RC3H1: variants seen among roughly 807,000 people sequenced by gnomAD.
The protein encoded by RC3H1 is ring finger and CCCH-type domains 1.
Under a neutral mutation model 138.2 loss-of-function variants are expected in RC3H1, and 50 were observed. That is an observed-to-expected ratio of 0.36 (90% CI 0.29 to 0.46). RC3H1 has a LOEUF of 0.46. Among genes scored for constraint, RC3H1 ranks in the 20% least tolerant of loss-of-function variants. The pLI is 1.00. For missense variants in RC3H1, 1,031 were observed against 1,388.1 expected, an observed-to-expected ratio of 0.74 and a Z score of 4.09; for synonymous variants, 462 against 489.1, an observed-to-expected ratio of 0.94 and a Z score of 0.73.
chr1:173,963,047 T>G (rs189341692), intron 11 of RC3H1, among the ~76,000 whole-genome samples: 1 of 152,342 alleles, frequency 6.6e-6, no homozygotes, highest in East Asian at 1.9e-4. Flanking sequence ...GATCCAACAC[T>G]TAAAATCATT....
chr1:173,951,328 C>CA (rs921609260), intron 14 of RC3H1, among the ~76,000 whole-genome samples: 2 of 151,556 alleles, frequency 1.3e-5, no homozygotes, highest in African/African-American at 4.9e-5. Flanking sequence ...TCCATCCCCC[C>CA]CCCAAAAAAA....
intron 1 of RC3H1, among the ~76,000 whole-genome samples, chr1:174,011,499 T>G (rs1008196836): frequency 6.6e-6 from 1 of 152,078 alleles, no homozygotes; most frequent in Non-Finnish European, 1.5e-5. Context: ...CCAGGTTTTT[T>G]TTTTTCAAGT....
At position 173,992,960 on chromosome 1, in the gene RC3H1, G is replaced by A. The variant is rs199537248; in HGVS notation, c.26C>T (p.Thr9Met). The A allele has an allele frequency of 3.1e-6, 5 of 1,613,880 alleles. No homozygotes were observed. Among genetic ancestry groups the A allele is most frequent in the East Asian group, 4.5e-5 (2 of 44,864 alleles). Reference protein sequence around the residue: MPVQAPQWTDFLSCPICTQ... With the variant: MPVQAPQWMDFLSCPICTQ... ...GCAAATTGGGCAGGAGAGGAAATCC[G>A]TCCATTGTGGAGCTTGTACAGGCAT... The change falls in exon 2 of 20, where the codon ACG (threonine) becomes ATG (methionine). Residue 9 changes from threonine (T) to methionine (M), a missense_variant. Physicochemically the swap from Thr to Met is moderately conservative, Grantham distance 81. This residue lies in a region of RC3H1 where 35 missense variants were observed against 69.4 expected (regional missense o/e 0.50). Transcript: ENST00000367696.
intron 18 of RC3H1, among the ~76,000 whole-genome samples, chr1:173,943,230 G>A (rs192698019): frequency 2.0e-5 from 3 of 152,212 alleles, no homozygotes; most frequent in East Asian, 1.9e-4. Flanking sequence ...AAAAGTTAAC[G>A]AAGAATTATA....
chr1:173,962,491 C>T (rs752917792), intron 11 of RC3H1, among the ~76,000 whole-genome samples: 1 of 152,212 alleles, frequency 6.6e-6, no homozygotes, highest in Non-Finnish European at 1.5e-5. Context: ...ACATGGAACA[C>T]AAAAGGCCAA....
rs1659186726 is a variant in RC3H1 at position 173,947,574 on chromosome 1, C to T, written c.2532G>A (p.Glu844=). The T allele has an allele frequency of 1.9e-6, 3 of 1,613,766 alleles. No individual in the cohort carries two copies. The highest frequency in any genetic ancestry group is 2.2e-5 in the East Asian group (1 of 44,872). ...AAGSVEMMNV[E]SKGMRDQRLD... ...ATCGCTGGTCCCTCATTCCTTTACT[C>T]TCCACATTCTGATAAAAAAGCAAAA... The change falls in exon 15 of 20, where the codon GAG becomes GAA. Residue 844 remains glutamate, a synonymous_variant. Transcript: ENST00000367696.
In RC3H1 at chr1:173,983,007, T is replaced by C. The variant is rs184446253; in HGVS notation, c.593-105A>G. 5.2e-3 allele frequency: 5,261 copies of C among 1,014,332 alleles called. 20 individuals carry two copies. The highest frequency in any genetic ancestry group is 7.6e-3 in the Admixed American group (295 of 38,992). The allele number at this position is 1,014,332 out of a possible 1,614,324, so 62.8% of individuals were successfully genotyped here. A position where few individuals can be genotyped will look rare whatever the true frequency, so the allele number is the denominator to read the frequency against. On this transcript the variant is annotated intron_variant, in intron 4 of 19. Transcript: ENST00000367696. The stretch of plus-strand genomic sequence containing the variant: ...TCATTTCTGCAGCTATTCAATTAAC[T>C]GGCAATACAGTTAAGATTAACCAGC...
In RC3H1 at chr1:173,936,095, T is replaced by C. The variant is rs1283490963; in HGVS notation, c.*2626A>G. 1 of 152,132 alleles carries C rather than the reference T, an allele frequency of 6.6e-6. No homozygotes were observed. Among genetic ancestry groups the C allele is most frequent in the Admixed American group, 6.6e-5 (1 of 15,260 alleles). 9.4% of individuals were successfully genotyped at this position (152,132 alleles called of 1,614,324 possible). On this transcript the variant is annotated 3_prime_UTR_variant, in exon 20 of 20. Coordinates refer to ENST00000367696, the MANE Select transcript of RC3H1 (RefSeq NM_172071.4). Reference sequence around the variant, plus strand: ...TCCTGCCTACTTCACAGAATCAAAATGGCAAAAGCCAAGAACAAGTGTATT... The same window carrying C: ...TCCTGCCTACTTCACAGAATCAAAACGGCAAAAGCCAAGAACAAGTGTATT...
chr1:173,938,485 T>A lies in RC3H1; in HGVS notation c.*236A>T. 3.1e-6 allele frequency: 1 copy of A among 321,994 alleles called. No homozygotes were observed. Among genetic ancestry groups the A allele is most frequent in the Non-Finnish European group, 5.6e-6 (1 of 178,868 alleles). 19.9% of individuals were successfully genotyped at this position (321,994 alleles called of 1,614,324 possible). On this transcript the variant is annotated 3_prime_UTR_variant, in exon 20 of 20. Coordinates refer to ENST00000367696, the MANE Select transcript of RC3H1 (RefSeq NM_172071.4). ...TCACAGAACAAAAACAAATTTAATC[T>A]GAATTGCTTGCAGATACTGCTAATT...
At chr1:173,962,511 C>T (rs1388186860) in intron 11 of RC3H1, among the ~76,000 whole-genome samples, 4 of 152,164 alleles carry the variant, frequency 2.6e-5, no homozygotes, top group South Asian at 2.1e-4. Context: ...ATTTTGCTGG[C>T]GCAGATTAGT....
chr1:173,972,744 C>T (rs866221914), intron 7 of RC3H1, 117 bp from the exon 8 acceptor site: 18 of 679,938 alleles, frequency 2.6e-5, no homozygotes, highest in Middle Eastern at 5.1e-4. Context: ...CACACCTTAG[C>T]TTTTTAGATA....
chr1:173,970,756 G>C, intron 8 of RC3H1, 139 bp from the exon 9 acceptor site: 2 of 543,082 alleles, frequency 3.7e-6, no homozygotes, highest in Non-Finnish European at 6.4e-6. Context: ...AAAAGTGCTG[G>C]AAAGTCATTC....
chr1:174,014,354 C>T (rs1478149840), intron 1 of RC3H1, among the ~76,000 whole-genome samples: 1 of 151,336 alleles, frequency 6.6e-6, no homozygotes, highest in African/African-American at 2.4e-5. Context: ...TCTGTAAATC[C>T]AAAACTGTTC....
chr1:173,939,794 C>T (rs979002543), intron 19 of RC3H1, among the ~76,000 whole-genome samples: 1 of 151,532 alleles, frequency 6.6e-6, no homozygotes, highest in African/African-American at 2.4e-5. Flanking sequence ...GAGATCATGC[C>T]ATTGCACTCC....
At chr1:173,999,623 C>A (rs1214824294) in intron 1 of RC3H1, among the ~76,000 whole-genome samples, 4 of 152,190 alleles carry the variant, frequency 2.6e-5, no homozygotes, top group African/African-American at 9.7e-5. Flanking sequence ...ATTGTGATGA[C>A]ATGATGCATC....
In RC3H1 at chr1:173,936,752, T is replaced by C. The variant is rs1378275911; in HGVS notation, c.*1969A>G. On this transcript the variant is annotated 3_prime_UTR_variant, in exon 20 of 20. Transcript: ENST00000367696. The stretch of plus-strand genomic sequence containing the variant: ...ATACATATATATATATATATATATA[T>C]ATATATATATTTTTTTTTTTTTTTT... 4.8e-5 allele frequency: 2 copies of C among 41,276 alleles called. No homozygotes were observed. Among genetic ancestry groups the C allele is most frequent in the Non-Finnish European group, 7.2e-5 (2 of 27,848 alleles). The allele number at this position is 41,276 out of a possible 1,614,324, so 2.6% of individuals were successfully genotyped here.
chr1:173,948,292 C>T (rs892101473), intron 14 of RC3H1, among the ~76,000 whole-genome samples: 1 of 152,120 alleles, frequency 6.6e-6, no homozygotes, highest in South Asian at 2.1e-4. Flanking sequence ...AACTTTGAAA[C>T]AACTAATCTG....
chr1:173,952,679 C>T (rs1188659638), intron 13 of RC3H1, among the ~76,000 whole-genome samples: 1 of 152,028 alleles, frequency 6.6e-6, no homozygotes, highest in African/African-American at 2.4e-5. Context: ...AAATTCTGTT[C>T]CTTAGGTTGA....
chr1:173,996,444 T>C (rs372759666), intron 1 of RC3H1, among the ~76,000 whole-genome samples: 3 of 152,314 alleles, frequency 2.0e-5, no homozygotes, highest in African/African-American at 7.2e-5. Context: ...AAGGTCTTCA[T>C]GGACTATAGG....
Sources: allele counts gnomAD v4.1 joint callset (sites outside exome capture counted in the v4.1 genomes callset), GRCh38; gene constraint gnomAD v4.1.1; regional missense constraint gnomAD v4.1.1; transcripts MANE v1.5; gene names NCBI Gene and HGNC (gene_info 2026-07-23, HGNC 2026-07-21).